BCAS3: variants seen among roughly 807,000 people sequenced by gnomAD.
BCAS3 encodes the protein BCAS4/BCAS3 fusion.
A neutral mutation model predicts 116.1 loss-of-function variants in BCAS3; 53 were observed. That is an observed-to-expected ratio of 0.46 (90% CI 0.37 to 0.57). The LOEUF is 0.57. Among genes scored for constraint, BCAS3 ranks in the 20% least tolerant of loss-of-function variants. The pLI, the probability that BCAS3 is intolerant of heterozygous loss-of-function variation, is 0.00. For synonymous variants in BCAS3, 391 were observed against 408.2 expected (o/e 0.96, Z 0.51); for missense variants, 917 against 1,165.4 (o/e 0.79, Z 3.10).
chr17:60,771,704 C>G (rs1414318100), intron 6 of BCAS3, among the ~76,000 whole-genome samples: 1 of 152,134 alleles, frequency 6.6e-6, no homozygotes, highest in African/African-American at 2.4e-5. Flanking sequence ...CTCCCCTGTC[C>G]CCCTATCCCA....
chr17:61,035,656 C>G (rs1261485261), intron 17 of BCAS3, among the ~76,000 whole-genome samples: 1 of 151,324 alleles, frequency 6.6e-6, no homozygotes, highest in African/African-American at 2.4e-5. Context: ...GTTACCATTG[C>G]TCCTTTGAAT....
rs570606597 is a variant in BCAS3 at position 61,136,517 on chromosome 17, A to G, written c.2425+51953A>G. ...ATAGCAGCACGCCCCCTTCCCTCAG[A>G]TGCCTCCAAATATTGCCAAATGTCC... On this transcript the variant is annotated intron_variant, in intron 22 of 23. Transcript: ENST00000407086. This position sits in a 1 kb window ranked among gnomAD's most constrained non-coding sequence, Gnocchi z 4.4. 2.6e-5 allele frequency among the ~76,000 whole-genome samples: 4 copies of G among 152,164 alleles called. No individual in the cohort carries two copies. The highest frequency in any genetic ancestry group is 9.7e-5 in the African/African-American group (4 of 41,436).
intron 4 of BCAS3, among the ~76,000 whole-genome samples, chr17:60,692,237 T>A (rs1303727129): frequency 1.3e-5 from 2 of 152,120 alleles, no homozygotes; most frequent in East Asian, 3.9e-4. Context: ...TTTTATTTTA[T>A]TGATATATTT....
chr17:60,846,996 C>T (rs2052597942), intron 7 of BCAS3, among the ~76,000 whole-genome samples: 1 of 152,202 alleles, frequency 6.6e-6, no homozygotes, highest in Non-Finnish European at 1.5e-5. Context: ...CCTCCAGCCA[C>T]TGGCAACCAA....
At chr17:61,143,673 G>T (rs1186294116) in intron 22 of BCAS3, among the ~76,000 whole-genome samples, 1 of 152,176 alleles carries the variant, frequency 6.6e-6, no homozygotes, top group East Asian at 1.9e-4. Flanking sequence ...GCCCGGCATG[G>T]TGGCGTGTGC....
chr17:60,824,536 C>T (rs1411440880), intron 7 of BCAS3, among the ~76,000 whole-genome samples: 3 of 152,174 alleles, frequency 2.0e-5, no homozygotes, highest in African/African-American at 7.2e-5. Flanking sequence ...CTGTTTTCAG[C>T]ATTTCCCTGC....
chr17:61,193,679 C>A (rs941058906), intron 22 of BCAS3, among the ~76,000 whole-genome samples: 2 of 141,110 alleles, frequency 1.4e-5, no homozygotes, highest in African/African-American at 5.2e-5. Context: ...ATGGCTTGAA[C>A]CCGGGAGGTG....
In BCAS3 at chr17:60,993,219, A is replaced by G. The variant is rs1042066809; in HGVS notation, c.1486+2984A>G. Among the ~76,000 whole-genome samples, 4 of 152,216 alleles carry G rather than the reference A, an allele frequency of 2.6e-5. No homozygotes were observed. The highest frequency in any genetic ancestry group is 7.2e-5 in the African/African-American group (3 of 41,458). ...AATGACTGTGAACAAATACCTTTCA[A>G]TATACTTTTGTTGAAGGTTGCAAAG... On this transcript the variant is annotated intron_variant, in intron 15 of 23. Coordinates refer to ENST00000407086, the MANE Select transcript of BCAS3 (RefSeq NM_017679.5). This position sits in a 1 kb window ranked among gnomAD's most constrained non-coding sequence, Gnocchi z 4.2.
chr17:60,980,231 C>G (rs1461598252), intron 14 of BCAS3, among the ~76,000 whole-genome samples: 2 of 152,172 alleles, frequency 1.3e-5, no homozygotes, highest in Non-Finnish European at 2.9e-5. Flanking sequence ...TTCTAAGTGG[C>G]TACACCATTT....
rs2074026108 is a variant in BCAS3, at chr17:61,097,112, T to A, written c.2425+12548T>A. 6.6e-6 allele frequency among the ~76,000 whole-genome samples: 1 copy of A among 152,218 alleles called. No homozygotes were observed. Among genetic ancestry groups the A allele is most frequent in the Non-Finnish European group, 1.5e-5 (1 of 68,038 alleles). ...AAAACCATACGTAGACATATTATAATCAAACTGTTCAGATCTAAACATAAG... is the reference window on the plus strand; with the variant it reads ...AAAACCATACGTAGACATATTATAAACAAACTGTTCAGATCTAAACATAAG... On this transcript the variant is annotated intron_variant, in intron 22 of 23. Transcript: ENST00000407086. The surrounding 1 kb of genome is among the most constrained non-coding windows in gnomAD (Gnocchi z 4.0).
chr17:60,901,014 G>A (rs1224187918), intron 10 of BCAS3, among the ~76,000 whole-genome samples: 2 of 151,886 alleles, frequency 1.3e-5, no homozygotes, highest in Non-Finnish European at 2.9e-5. Context: ...TTTGAGACCA[G>A]CCTGGCCAAC....
chr17:60,687,356 C>A (rs1170324696), intron 3 of BCAS3, among the ~76,000 whole-genome samples: 1 of 152,188 alleles, frequency 6.6e-6, no homozygotes, highest in Non-Finnish European at 1.5e-5. Context: ...GTAATCCCAG[C>A]ACTTTGGGAG....
rs71370187 is a variant in BCAS3, at chr17:61,089,509, C to CTTTTTTTTTTTTTTTTTTT, written c.2425+4965_2425+4983dup. Among the ~76,000 whole-genome samples, 3 of 26,750 alleles carry CTTTTTTTTTTTTTTTTTTT rather than the reference C, an allele frequency of 1.1e-4. 1 individual carries two copies. Among genetic ancestry groups the CTTTTTTTTTTTTTTTTTTT allele is most frequent in the Non-Finnish European group, 6.7e-5 (1 of 14,942 alleles). The allele number at this position is 26,750 out of a possible 152,430, so 17.5% of individuals were successfully genotyped here. On this transcript the variant is annotated intron_variant, in intron 22 of 23. Coordinates refer to ENST00000407086, the MANE Select transcript of BCAS3 (RefSeq NM_017679.5). ...TTTTTCTTCGAGACGGAGTTTCACT[C>CTTTTTTTTTTTTTTTTTTT]TTTTTTTTTTTTTTTTTTTTTTTTT... is the stretch of plus-strand genomic sequence containing the variant.
chr17:61,183,947 G>C (rs2079620880), intron 22 of BCAS3, among the ~76,000 whole-genome samples: 1 of 152,162 alleles, frequency 6.6e-6, no homozygotes, highest in African/African-American at 2.4e-5. Context: ...GGCAAGGTAT[G>C]GTCTGCAAAT....
intron 5 of BCAS3, among the ~76,000 whole-genome samples, chr17:60,724,106 CTT>C: frequency 6.6e-6 from 1 of 151,512 alleles, no homozygotes. Flanking sequence ...ATTTTTGTAT[CTT>C]TGTTTACTCT....
intron 16 of BCAS3, among the ~76,000 whole-genome samples, chr17:61,018,769 A>G (rs2065669675): frequency 6.6e-6 from 1 of 152,154 alleles, no homozygotes; most frequent in African/African-American, 2.4e-5. Flanking sequence ...TTCAATGTGT[A>G]ATTTCTAAAG....
At position 60,944,615 on chromosome 17, in the gene BCAS3, A is replaced by G. The variant is rs902871620; in HGVS notation, c.1088-2604A>G. 2.6e-5 allele frequency among the ~76,000 whole-genome samples: 4 copies of G among 152,110 alleles called. No homozygotes were observed. In the East Asian group the frequency reaches 7.7e-4, roughly 29 times the overall value. On this transcript the variant is annotated intron_variant, in intron 13 of 23. Transcript: ENST00000407086. ...TCAGTATTTCTCAGGGACACAGATA[A>G]GAAAATATTCAAGAAAATATTAGAA...
chr17:60,716,527 T>A (rs1286354854), intron 5 of BCAS3, among the ~76,000 whole-genome samples: 2 of 152,042 alleles, frequency 1.3e-5, no homozygotes, highest in Non-Finnish European at 2.9e-5. Flanking sequence ...CCCAACACTT[T>A]GGGAGGCTGA....
In BCAS3 at chr17:61,130,403, TAG is replaced by T. The variant is rs748934723; in HGVS notation, c.2425+45841_2425+45842del. Among the ~76,000 whole-genome samples the T allele has an allele frequency of 2.6e-5, 4 of 152,092 alleles. No homozygotes were observed. Among genetic ancestry groups the T allele is most frequent in the Non-Finnish European group, 4.4e-5 (3 of 68,022 alleles). ...CAATACAACCCAAGACCCCAATCAT[TAG>T]AATAACCACAAAACCGATTCTTAAT... is the stretch of plus-strand genomic sequence containing the variant. On this transcript the variant is annotated intron_variant, in intron 22 of 23. Transcript: ENST00000407086. The surrounding 1 kb of genome is among the most constrained non-coding windows in gnomAD (Gnocchi z 5.0).
Sources: gnomAD v4.1 joint callset for allele counts (sites outside exome capture counted in the v4.1 genomes callset) on GRCh38, gnomAD v4.1.1 for gene constraint, Gnocchi (gnomAD v3.1) non-coding constraint, MANE v1.5 for transcripts, NCBI Gene and HGNC (gene_info 2026-07-23, HGNC 2026-07-21) for gene names.